RORA: variants seen among roughly 807,000 people sequenced by gnomAD.
RORA encodes the protein RAR related orphan receptor A, also known as nuclear receptor ROR-alpha.
In RORA, 7 loss-of-function variants were observed where a neutral mutation model predicts 69.5. The ratio of observed to expected loss-of-function variants is 0.10; its 90% CI spans 0.06 to 0.19. The LOEUF (loss-of-function observed/expected upper bound fraction) is 0.19. Among genes scored for constraint, RORA ranks in the 10% least tolerant of loss-of-function variants. RORA has a pLI of 1.00. For synonymous variants in RORA, 261 were observed against 240.8 expected (o/e 1.08, Z -0.78); for missense variants, 457 against 663.0 (o/e 0.69, Z 3.41).
At chr15:61,063,007 A>C (rs2078208153) in intron 1 of RORA, among the ~76,000 whole-genome samples, 1 of 152,230 alleles carries the variant, frequency 6.6e-6, no homozygotes, top group Non-Finnish European at 1.5e-5. Flanking sequence ...ACATAAAGAA[A>C]AGATCACAAT....
intron 1 of RORA, among the ~76,000 whole-genome samples, chr15:60,901,970 T>C (rs190325649): frequency 6.6e-6 from 1 of 152,332 alleles, no homozygotes; most frequent in East Asian, 1.9e-4. Context: ...TGGCACCCCT[T>C]TGAGGCCACT....
At chr15:60,933,332 C>T (rs1425065457) in intron 1 of RORA, among the ~76,000 whole-genome samples, 1 of 152,188 alleles carries the variant, frequency 6.6e-6, no homozygotes, top group Non-Finnish European at 1.5e-5. Flanking sequence ...AATTGGACCA[C>T]TCACTCTCCC....
intron 7 of RORA, 123 bp downstream of exon 7, chr15:60,503,412 A>T: frequency 1.1e-6 from 1 of 880,026 alleles, no homozygotes; most frequent in African/African-American, 1.7e-5. Context: ...CTGCTAAGAA[A>T]AACCTGAGCT....
intron 2 of RORA, among the ~76,000 whole-genome samples, chr15:60,626,744 G>A (rs749980923): frequency 6.6e-6 from 1 of 152,088 alleles, no homozygotes. Flanking sequence ...CCCTCTCGTG[G>A]GCAGAACAGT....
chr15:61,063,071 C>T (rs1012612211), intron 1 of RORA, among the ~76,000 whole-genome samples: 1 of 152,174 alleles, frequency 6.6e-6, no homozygotes, highest in Non-Finnish European at 1.5e-5. Flanking sequence ...CAGTGTGCTC[C>T]CTGACCTGGA....
At chr15:60,817,071 G>A (rs1318708407) in intron 1 of RORA, among the ~76,000 whole-genome samples, 7 of 152,054 alleles carry the variant, frequency 4.6e-5, no homozygotes, top group Non-Finnish European at 8.8e-5. Flanking sequence ...TATGATACAC[G>A]TATGCATTGT....
intron 2 of RORA, among the ~76,000 whole-genome samples, chr15:60,616,413 C>T (rs1305062602): frequency 6.6e-6 from 1 of 152,078 alleles, no homozygotes; most frequent in Non-Finnish European, 1.5e-5. Flanking sequence ...CCCAGTTGCA[C>T]GAGGGCTGTC....
intron 1 of RORA, among the ~76,000 whole-genome samples, chr15:61,055,750 T>C (rs1218905120): frequency 6.6e-6 from 1 of 152,244 alleles, no homozygotes; most frequent in Non-Finnish European, 1.5e-5. Context: ...GTGAAAAGTG[T>C]AGAATGGCAT....
intron 1 of RORA, among the ~76,000 whole-genome samples, chr15:61,115,148 G>A (rs1018212617): frequency 1.3e-5 from 2 of 152,130 alleles, no homozygotes; most frequent in African/African-American, 2.4e-5. Context: ...AGAGTCTTGG[G>A]TCTGGTCCAG....
intron 2 of RORA, among the ~76,000 whole-genome samples, chr15:60,577,962 TG>T (rs1477305194): frequency 6.6e-6 from 1 of 152,212 alleles, no homozygotes; most frequent in Non-Finnish European, 1.5e-5. Context: ...TTGATGTATG[TG>T]AAGAAAATCT....
chr15:60,885,675 A>G (rs1313665160), intron 1 of RORA, among the ~76,000 whole-genome samples: 1 of 152,252 alleles, frequency 6.6e-6, no homozygotes, highest in African/African-American at 2.4e-5. Context: ...ACAGAACACA[A>G]CTTGTAGTCT....
chr15:60,896,336 A>G (rs1891230512), intron 1 of RORA, among the ~76,000 whole-genome samples: 2 of 152,214 alleles, frequency 1.3e-5, no homozygotes, highest in African/African-American at 4.8e-5. Flanking sequence ...AAGCTAACAC[A>G]CTTGCACAAC....
chr15:60,976,731 C>T (rs1308221179), intron 1 of RORA, among the ~76,000 whole-genome samples: 4 of 152,118 alleles, frequency 2.6e-5, no homozygotes, highest in African/African-American at 4.8e-5. Flanking sequence ...ATCCCTATCT[C>T]CCCCACCACA....
intron 1 of RORA, among the ~76,000 whole-genome samples, chr15:61,120,784 C>G (rs1487791040): frequency 6.7e-6 from 1 of 150,356 alleles, no homozygotes; most frequent in Non-Finnish European, 1.5e-5. Context: ...CCACTATATA[C>G]TACGGAGAAA....
chr15:60,720,501 TC>T (rs757858435), intron 1 of RORA, among the ~76,000 whole-genome samples: 2 of 152,222 alleles, frequency 1.3e-5, no homozygotes, highest in Non-Finnish European at 2.9e-5. Context: ...GGTGGCTACT[TC>T]CATTCATGGT....
At chr15:60,949,888 T>A (rs890326383) in intron 1 of RORA, among the ~76,000 whole-genome samples, 1 of 152,204 alleles carries the variant, frequency 6.6e-6, no homozygotes, top group Non-Finnish European at 1.5e-5. Context: ...CTATTGAAAC[T>A]TTCACAGTCA....
chr15:61,079,381 T>C (rs558270554), intron 1 of RORA, among the ~76,000 whole-genome samples: 9 of 152,334 alleles, frequency 5.9e-5, no homozygotes, highest in South Asian at 2.1e-4. Context: ...ATACTATTCA[T>C]TGAGTTTATA....
chr15:60,748,325 A>T (rs1038360499), intron 1 of RORA, among the ~76,000 whole-genome samples: 7 of 85,950 alleles, frequency 8.1e-5, no homozygotes, highest in African/African-American at 3.8e-4. Context: ...AAAAAAAAAA[A>T]CACACACACA....
At chr15:60,934,103 G>C (rs761695566) in intron 1 of RORA, among the ~76,000 whole-genome samples, 1 of 152,252 alleles carries the variant, frequency 6.6e-6, no homozygotes. Context: ...AAGCCAGGAG[G>C]AGATTTGAGG....
Sources: gnomAD v4.1 joint callset for allele counts (sites outside exome capture counted in the v4.1 genomes callset) on GRCh38, gnomAD v4.1.1 for gene constraint, MANE v1.5 for transcripts, NCBI Gene and HGNC (gene_info 2026-07-23, HGNC 2026-07-21) for gene names.